Variants in GPBP1 observed in about 807,000 individuals in gnomAD.
GPBP1 encodes the protein GC-rich promoter binding protein 1, also known as vasculin.
A neutral mutation model predicts 56.5 loss-of-function variants in GPBP1; 13 were observed. That is an observed-to-expected ratio of 0.23 (90% confidence interval 0.15 to 0.37). The LOEUF (loss-of-function observed/expected upper bound fraction) is 0.37, where lower values mean the gene tolerates loss of function less well. GPBP1 is among the 10% of genes least tolerant of loss of function. The pLI, the probability that GPBP1 is intolerant of heterozygous loss-of-function variation, is 1.00. For missense variants in GPBP1, 477 were observed against 572.3 expected, an observed-to-expected ratio of 0.83 and a Z score of 1.70; for synonymous variants, 204 against 188.9, an observed-to-expected ratio of 1.08 and a Z score of -0.66.
intron 2 of GPBP1, among the ~76,000 whole-genome samples, chr5:57,185,258 CTTTTTTT>C (rs747214276): frequency 1.6e-5 from 2 of 128,668 alleles, no homozygotes. Context: ...TTGGTTAGGT[CTTTTTTT>C]TTTTTTTTTT....
intron 2 of GPBP1, among the ~76,000 whole-genome samples, chr5:57,177,576 C>T (rs1382232520): frequency 1.3e-5 from 2 of 150,398 alleles, no homozygotes; most frequent in Admixed American, 6.7e-5. Flanking sequence ...CGGGTTCAAG[C>T]GATTCTCCTG....
chr5:57,193,379 C>T (rs898338963), intron 2 of GPBP1, among the ~76,000 whole-genome samples: 3 of 151,848 alleles, frequency 2.0e-5, no homozygotes, highest in South Asian at 2.1e-4. Flanking sequence ...TTTGGGAAGT[C>T]GAGGTAGGAG....
chr5:57,253,615 TAAATG>T (rs1234014842), intron 10 of GPBP1, among the ~76,000 whole-genome samples: 2 of 152,266 alleles, frequency 1.3e-5, no homozygotes, highest in African/African-American at 4.8e-5. Context: ...TTAAATTTGT[TAAATG>T]AATGAGGGAA....
intron 3 of GPBP1, among the ~76,000 whole-genome samples, chr5:57,224,080 G>A (rs576187583): frequency 1.5e-4 from 23 of 151,358 alleles, no homozygotes; most frequent in Non-Finnish European, 2.9e-4. Context: ...TGATCCGCCC[G>A]CCTCGGCCTA....
intron 10 of GPBP1, among the ~76,000 whole-genome samples, chr5:57,257,330 T>C (rs1741710262): frequency 6.6e-6 from 1 of 152,148 alleles, no homozygotes; most frequent in Non-Finnish European, 1.5e-5. Flanking sequence ...CCACTGCGCC[T>C]GGCCAGTGAT....
At chr5:57,195,422 G>A (rs1219010184) in intron 2 of GPBP1, among the ~76,000 whole-genome samples, 2 of 152,156 alleles carry the variant, frequency 1.3e-5, no homozygotes, top group African/African-American at 4.8e-5. Context: ...TTCCCAAAGT[G>A]TACCACGTCT....
intron 2 of GPBP1, among the ~76,000 whole-genome samples, chr5:57,200,439 C>G (rs2111691453): frequency 7.3e-6 from 1 of 137,192 alleles, no homozygotes; most frequent in South Asian, 2.3e-4. Flanking sequence ...ACGATCTCGG[C>G]TCACTGCCAC....
intron 2 of GPBP1, among the ~76,000 whole-genome samples, chr5:57,183,733 A>G (rs1009372517): frequency 1.3e-5 from 2 of 151,588 alleles, no homozygotes; most frequent in African/African-American, 4.8e-5. Flanking sequence ...AAGAGTTGAT[A>G]GCTAATATTT....
intron 3 of GPBP1, among the ~76,000 whole-genome samples, chr5:57,218,497 CCT>C (rs1260629789): frequency 6.6e-6 from 1 of 151,972 alleles, no homozygotes; most frequent in Non-Finnish European, 1.5e-5. Context: ...GCTTCCATGC[CCT>C]GTCTGGGTGT....
chr5:57,229,344 C>G (rs1756342113), intron 3 of GPBP1, among the ~76,000 whole-genome samples: 1 of 144,544 alleles, frequency 6.9e-6, no homozygotes, highest in Non-Finnish European at 1.5e-5. Context: ...TTGTTCTAAT[C>G]TTGCATTTTG....
chr5:57,200,146 C>T (rs1260616064), intron 2 of GPBP1, among the ~76,000 whole-genome samples: 7 of 147,188 alleles, frequency 4.8e-5, no homozygotes, highest in Admixed American at 4.1e-4. Context: ...CCCCTCCCCT[C>T]CCCTGCTTCC....
intron 6 of GPBP1, among the ~76,000 whole-genome samples, chr5:57,240,019 T>A (rs968743883): frequency 3.3e-5 from 5 of 152,246 alleles, no homozygotes; most frequent in South Asian, 4.2e-4. Flanking sequence ...CCAGCATTTT[T>A]GGAGCACAGG....
chr5:57,255,424 AT>A (rs1741613680), intron 10 of GPBP1, among the ~76,000 whole-genome samples: 1 of 152,260 alleles, frequency 6.6e-6, no homozygotes, highest in Non-Finnish European at 1.5e-5. Context: ...ACCCAAAAAC[AT>A]TCTGATAATT....
chr5:57,211,925 C>G (rs1561342249), intron 2 of GPBP1, among the ~76,000 whole-genome samples: 1 of 150,290 alleles, frequency 6.7e-6, no homozygotes, highest in Non-Finnish European at 1.5e-5. Context: ...AATTTGTTAC[C>G]AATTTTAATT....
At chr5:57,262,517 A>G (rs1741945644) in intron 11 of GPBP1, 77 bp from the exon 12 acceptor site, 2 of 1,114,182 alleles carry the variant, frequency 1.8e-6, no homozygotes, top group South Asian at 2.9e-5. Context: ...CAATTTTATT[A>G]TATTCATGCT....
At chr5:57,205,411 C>T (rs13183980) in intron 2 of GPBP1, among the ~76,000 whole-genome samples, 9 of 152,168 alleles carry the variant, frequency 5.9e-5, no homozygotes, top group Non-Finnish European at 1.3e-4. Context: ...CATCCTTTCT[C>T]AATTCTTCTG....
intron 6 of GPBP1, 48 bp from the exon 7 acceptor site, chr5:57,246,252 T>C (rs774328286): frequency 9.4e-6 from 14 of 1,497,178 alleles, no homozygotes; most frequent in Middle Eastern, 1.8e-4. Flanking sequence ...TATTCTATAC[T>C]AAAACTTGAA....
chr5:57,179,347 T>TTGTGTG (rs57689384), intron 2 of GPBP1, among the ~76,000 whole-genome samples: 3 of 149,370 alleles, frequency 2.0e-5, no homozygotes, highest in African/African-American at 7.3e-5. Flanking sequence ...TTAGCTAAAA[T>TTGTGTG]TGTGTGTGTG....
chr5:57,213,242 G>A (rs1447823383), intron 2 of GPBP1, among the ~76,000 whole-genome samples: 1 of 151,776 alleles, frequency 6.6e-6, no homozygotes, highest in African/African-American at 2.4e-5. Flanking sequence ...GTAGAGATGG[G>A]GTTTCACCAT....
Sources: gnomAD v4.1 joint callset for allele counts (sites outside exome capture counted in the v4.1 genomes callset) on GRCh38, gnomAD v4.1.1 for gene constraint, MANE v1.5 for transcripts, NCBI Gene and HGNC (gene_info 2026-07-23, HGNC 2026-07-21) for gene names.